The following ASIC2 variants were observed in gnomAD, a reference collection of about 807,000 sequenced individuals.
The protein encoded by ASIC2 is acid sensing ion channel subunit 2.
Under a neutral mutation model 57.3 loss-of-function variants are expected in ASIC2, and 25 were observed. That is an observed-to-expected ratio of 0.44 (90% CI 0.32 to 0.61). ASIC2 has a LOEUF of 0.61. Ranked by LOEUF, ASIC2 falls within the 20% of genes least tolerant of loss-of-function variation. The pLI is 0.06. For missense variants in ASIC2, 641 were observed against 738.1 expected, an observed-to-expected ratio of 0.87 and a Z score of 1.52; for synonymous variants, 319 against 307.5, an observed-to-expected ratio of 1.04 and a Z score of -0.39.
At chr17:33,558,401 G>T (rs1322655314) in intron 1 of ASIC2, among the ~76,000 whole-genome samples, 1 of 152,166 alleles carries the variant, frequency 6.6e-6, no homozygotes, top group African/African-American at 2.4e-5. Flanking sequence ...TCAGTTTCTG[G>T]CTGATGACCT....
chr17:33,973,469 C>T (rs1294632646), intron 1 of ASIC2, among the ~76,000 whole-genome samples: 1 of 152,226 alleles, frequency 6.6e-6, no homozygotes, highest in Non-Finnish European at 1.5e-5. Flanking sequence ...TAGGCCCAGA[C>T]TTGGGCAATT....
intron 1 of ASIC2, among the ~76,000 whole-genome samples, chr17:33,674,182 C>T (rs557477589): frequency 2.0e-5 from 3 of 152,140 alleles, no homozygotes; most frequent in Non-Finnish European, 2.9e-5. Flanking sequence ...CGTGAGCCAC[C>T]GAGCCTGGCC....
intron 1 of ASIC2, among the ~76,000 whole-genome samples, chr17:33,586,036 GA>G (rs1350447377): frequency 1.3e-5 from 2 of 152,164 alleles, no homozygotes; most frequent in Non-Finnish European, 2.9e-5. Flanking sequence ...TTGGTGTGCA[GA>G]AGGGGGCACT....
At position 33,291,574 on chromosome 17, in the gene ASIC2, CGCGGCTCGTCGCCCCGCAGCA is replaced by C; in HGVS notation, c.521_541del (p.Leu174_Pro180del). 1 of 1,609,778 alleles carries C rather than the reference CGCGGCTCGTCGCCCCGCAGCA, an allele frequency of 6.2e-7. No homozygotes were observed. Among genetic ancestry groups the C allele is most frequent in the Non-Finnish European group, 8.5e-7 (1 of 1,178,942 alleles). ...CGCCAGCTTGCGGAACCACTGGCGGCGCGGCTCGTCGCCCCGCAGCAGCTCGCTGACAAGCGGGCGCGCGGT... is the reference window on the plus strand; with the variant it reads ...CGCCAGCTTGCGGAACCACTGGCGGCGCTCGCTGACAAGCGGGCGCGCGGT... On this transcript the variant is annotated inframe_deletion, in exon 1 of 10. Transcript: ENST00000225823.
chr17:33,502,332 C>T (rs1914125132), intron 1 of ASIC2, among the ~76,000 whole-genome samples: 1 of 152,156 alleles, frequency 6.6e-6, no homozygotes, highest in South Asian at 2.1e-4. Context: ...GTCTGAGTAC[C>T]AGTGCCCTGG....
At chr17:33,608,301 C>T (rs1476262506) in intron 1 of ASIC2, among the ~76,000 whole-genome samples, 2 of 152,172 alleles carry the variant, frequency 1.3e-5, no homozygotes, top group Non-Finnish European at 2.9e-5. Context: ...GTAGAATTAT[C>T]TCCCCCAGTA....
chr17:33,414,856 C>T (rs1910784701), intron 1 of ASIC2, among the ~76,000 whole-genome samples: 2 of 152,206 alleles, frequency 1.3e-5, no homozygotes, highest in African/African-American at 4.8e-5. Flanking sequence ...AAGCCTCTTC[C>T]TCTCCCCTGA....
intron 1 of ASIC2, among the ~76,000 whole-genome samples, chr17:33,576,409 G>T (rs754933939): frequency 6.6e-6 from 1 of 152,162 alleles, no homozygotes; most frequent in Non-Finnish European, 1.5e-5. Context: ...CTAGTATGTT[G>T]CCTAGCACAT....
At chr17:33,070,375 G>C (rs2092063797) in intron 3 of ASIC2, among the ~76,000 whole-genome samples, 1 of 143,244 alleles carries the variant, frequency 7.0e-6, no homozygotes, top group Non-Finnish European at 1.5e-5. Flanking sequence ...GTCTCGCTCT[G>C]TCACCCAGGC....
chr17:33,141,583 C>T (rs1440534420), intron 1 of ASIC2, among the ~76,000 whole-genome samples: 1 of 152,186 alleles, frequency 6.6e-6, no homozygotes, highest in African/African-American at 2.4e-5. Context: ...TTGACCCAAA[C>T]ACTTTGGTGT....
At chr17:34,101,141 C>T (rs1453579919) in intron 1 of ASIC2, among the ~76,000 whole-genome samples, 2 of 152,172 alleles carry the variant, frequency 1.3e-5, no homozygotes, top group Admixed American at 1.3e-4. Context: ...TAAATGTTCC[C>T]CCGCCCAGCT....
At chr17:33,565,362 G>C (rs969045708) in intron 1 of ASIC2, among the ~76,000 whole-genome samples, 1 of 152,140 alleles carries the variant, frequency 6.6e-6, no homozygotes, top group Admixed American at 6.6e-5. Flanking sequence ...TGAGGTTCTG[G>C]GAGGACATAA....
At chr17:33,412,383 G>A (rs542812824) in intron 1 of ASIC2, among the ~76,000 whole-genome samples, 10 of 152,320 alleles carry the variant, frequency 6.6e-5, no homozygotes, top group African/African-American at 2.4e-4. Context: ...TAGAGAGGGG[G>A]TGCTGACTTA....
intron 1 of ASIC2, among the ~76,000 whole-genome samples, chr17:33,532,558 A>G (rs1333683497): frequency 1.3e-5 from 2 of 152,180 alleles, no homozygotes; most frequent in African/African-American, 2.4e-5. Context: ...GTGAATAGGA[A>G]AGAAAAAGAA....
chr17:33,580,372 A>G (rs1039107644), intron 1 of ASIC2: 1 of 152,218 alleles, frequency 6.6e-6, no homozygotes, highest in African/African-American at 2.4e-5. Context: ...GATGTATGCA[A>G]AGAGGGAGCG....
intron 1 of ASIC2, among the ~76,000 whole-genome samples, chr17:33,481,896 C>T (rs1913419647): frequency 6.6e-6 from 1 of 152,140 alleles, no homozygotes; most frequent in Admixed American, 6.5e-5. Context: ...GGAAATTGCC[C>T]TTCCCTTCAT....
At chr17:33,932,747 T>A (rs972453662) in intron 1 of ASIC2, 25 of 120,846 alleles carry the variant, frequency 2.1e-4, no homozygotes, top group East Asian at 7.1e-4. Flanking sequence ...AAAAAATATA[T>A]ATATATATAT....
At chr17:33,978,136 C>T (rs954917381) in intron 1 of ASIC2, among the ~76,000 whole-genome samples, 2 of 152,180 alleles carry the variant, frequency 1.3e-5, no homozygotes, top group African/African-American at 4.8e-5. Context: ...GTTGAATGTG[C>T]CTGTGCTGGC....
At position 34,095,602 on chromosome 17, in the gene ASIC2, A is replaced by AAATTTTATATATATATATATATATAT. The variant is rs1284751970; in HGVS notation, c.555+60350_555+60375dup. ...AGGGAAGAGTTGGGGAGAAGCAGGCAAATTTTATATATATATATATATATA... is the reference window on the plus strand; with the variant it reads ...AGGGAAGAGTTGGGGAGAAGCAGGCAAATTTTATATATATATATATATATATAATTTTATATATATATATATATATA... On this transcript the variant is annotated intron_variant, in intron 1 of 9. Transcript: ENST00000359872. 4.4e-3 allele frequency among the ~76,000 whole-genome samples: 408 copies of AAATTTTATATATATATATATATATAT among 93,678 alleles called. 5 individuals carry two copies. The highest frequency in any genetic ancestry group is 6.5e-3 in the Non-Finnish European group (275 of 42,234). The allele number at this position is 93,678 out of a possible 152,430, so 61.5% of individuals were successfully genotyped here.
Sources: allele counts gnomAD v4.1 joint callset (sites outside exome capture counted in the v4.1 genomes callset), GRCh38; gene constraint gnomAD v4.1.1; transcripts MANE v1.5; gene names NCBI Gene and HGNC (gene_info 2026-07-23, HGNC 2026-07-21).